Variants in SUPT3H observed in about 807,000 individuals in gnomAD.
SUPT3H encodes transcription initiation protein SPT3 homolog.
In SUPT3H, 44 loss-of-function variants were observed where a neutral mutation model predicts 44.3. The ratio of observed to expected loss-of-function variants is 0.99; its 90% CI spans 0.78 to 1.28. The LOEUF is 1.28. Ranked by LOEUF, SUPT3H falls within the 50% of genes most tolerant of loss-of-function variation. The pLI, the probability that SUPT3H is intolerant of heterozygous loss-of-function variation, is 0.00. For missense variants in SUPT3H, 380 were observed against 387.1 expected, an observed-to-expected ratio of 0.98 and a Z score of 0.15; for synonymous variants, 124 against 125.6, an observed-to-expected ratio of 0.99 and a Z score of 0.09.
At chr6:45,014,444 G>T (rs1396748532) in intron 5 of SUPT3H, among the ~76,000 whole-genome samples, 1 of 152,032 alleles carries the variant, frequency 6.6e-6, no homozygotes, top group East Asian at 1.9e-4. Context: ...CATAAATGAG[G>T]AAACTGACCC....
intron 2 of SUPT3H, among the ~76,000 whole-genome samples, chr6:45,278,305 A>G (rs187933148): frequency 1.3e-5 from 2 of 152,212 alleles, no homozygotes; most frequent in East Asian, 3.9e-4. Flanking sequence ...AAAAAAAAAG[A>G]AAATATACTT....
At chr6:45,275,389 A>G (rs559922027) in intron 2 of SUPT3H, among the ~76,000 whole-genome samples, 1 of 152,168 alleles carries the variant, frequency 6.6e-6, no homozygotes, top group Non-Finnish European at 1.5e-5. Flanking sequence ...AAAAAGAAAA[A>G]ATCATTATGA....
At chr6:45,126,936 C>A (rs538520061) in intron 2 of SUPT3H, among the ~76,000 whole-genome samples, 1 of 152,290 alleles carries the variant, frequency 6.6e-6, no homozygotes, top group East Asian at 1.9e-4. Context: ...TACAAGAGAT[C>A]ATGAGTTCTG....
In SUPT3H at chr6:45,182,242, G is replaced by A. The variant is rs115266334; in HGVS notation, c.102-76236C>T. Among the ~76,000 whole-genome samples the A allele has an allele frequency of 2.6e-3, 392 of 152,152 alleles. 3 individuals are homozygous for A. Among genetic ancestry groups the A allele is most frequent in the African/African-American group, 8.6e-3 (357 of 41,528 alleles). On this transcript the variant is annotated intron_variant, in intron 2 of 10. Coordinates refer to ENST00000371459, the MANE Select transcript of SUPT3H (RefSeq NM_003599.4). Reference sequence around the variant, plus strand: ...TTATAGAGAAATAGCTCATTTGTTTGCCTTTTTTATTTTTATTTTTTAGTT... The same window carrying A: ...TTATAGAGAAATAGCTCATTTGTTTACCTTTTTTATTTTTATTTTTTAGTT...
At chr6:44,830,522 C>T (rs1466465827) in intron 10 of SUPT3H, among the ~76,000 whole-genome samples, 3 of 152,056 alleles carry the variant, frequency 2.0e-5, no homozygotes, top group Non-Finnish European at 2.9e-5. Flanking sequence ...ATAATTAATA[C>T]GTTTCAGTAA....
chr6:45,312,863 C>T (rs952758794), intron 2 of SUPT3H, among the ~76,000 whole-genome samples: 5 of 152,082 alleles, frequency 3.3e-5, no homozygotes, highest in East Asian at 1.9e-4. Context: ...AAGGAACTTT[C>T]GCCAAGATAG....
chr6:45,240,428 A>C (rs900889328), intron 2 of SUPT3H, among the ~76,000 whole-genome samples: 2 of 152,178 alleles, frequency 1.3e-5, no homozygotes, highest in Admixed American at 1.3e-4. Flanking sequence ...GCCTGGATGT[A>C]ATCACTCTAT....
At chr6:45,262,778 T>C (rs1394952283) in intron 2 of SUPT3H, among the ~76,000 whole-genome samples, 2 of 152,006 alleles carry the variant, frequency 1.3e-5, no homozygotes, top group African/African-American at 2.4e-5. Context: ...ATACAGAATC[T>C]AGGAGGAACT....
intron 3 of SUPT3H, among the ~76,000 whole-genome samples, chr6:45,060,622 A>G (rs1420149389): frequency 6.6e-6 from 1 of 152,178 alleles, no homozygotes; most frequent in East Asian, 1.9e-4. Flanking sequence ...GAGCTTCTGT[A>G]CTGCAAAGGA....
At chr6:45,024,254 A>C (rs1785606680) in intron 3 of SUPT3H, among the ~76,000 whole-genome samples, 1 of 152,218 alleles carries the variant, frequency 6.6e-6, no homozygotes, top group African/African-American at 2.4e-5. Context: ...ACACTATTAC[A>C]TGTCACCTCA....
At chr6:45,128,917 C>T (rs894918563) in intron 2 of SUPT3H, among the ~76,000 whole-genome samples, 2 of 152,066 alleles carry the variant, frequency 1.3e-5, no homozygotes, top group Non-Finnish European at 1.5e-5. Context: ...AACTCCTGAC[C>T]TCAAGTGATC....
In SUPT3H at chr6:45,083,873, G is replaced by A. The variant is rs186555405; in HGVS notation, c.186+22049C>T. On this transcript the variant is annotated intron_variant, in intron 3 of 10. Transcript: ENST00000371459. ...GATTCCATATTCAATAAATGGTGCC[G>A]GGATAACTGGCTAACTATAGACCTT... is the stretch of plus-strand genomic sequence containing the variant. 1.5e-3 allele frequency among the ~76,000 whole-genome samples: 233 copies of A among 152,262 alleles called. 2 individuals carry two copies. The highest frequency in any genetic ancestry group is 5.2e-3 in the African/African-American group (215 of 41,558).
chr6:45,236,892 G>A (rs1396014955), intron 2 of SUPT3H, among the ~76,000 whole-genome samples: 2 of 152,180 alleles, frequency 1.3e-5, no homozygotes, highest in African/African-American at 4.8e-5. Context: ...CCAGTCAGAT[G>A]TTGCCAGTGG....
intron 10 of SUPT3H, among the ~76,000 whole-genome samples, chr6:44,891,649 G>T (rs936285130): frequency 6.6e-6 from 1 of 152,108 alleles, no homozygotes. Context: ...TTCTGTTTGG[G>T]ATGATAAAAT....
At chr6:44,952,609 G>C (rs1335244767) in intron 9 of SUPT3H, among the ~76,000 whole-genome samples, 2 of 152,186 alleles carry the variant, frequency 1.3e-5, no homozygotes, top group Non-Finnish European at 2.9e-5. Flanking sequence ...TGAATTACGT[G>C]AAACTGCTGT....
At chr6:45,074,687 A>G (rs987343182) in intron 3 of SUPT3H, among the ~76,000 whole-genome samples, 18 of 152,016 alleles carry the variant, frequency 1.2e-4, no homozygotes, top group African/African-American at 4.1e-4. Context: ...GTGACTGGAA[A>G]GGAGAACTTT....
intron 7 of SUPT3H, 56 bp downstream of exon 7, chr6:44,961,697 A>C: frequency 7.4e-7 from 1 of 1,346,970 alleles, no homozygotes; most frequent in South Asian, 1.2e-5. Context: ...ACTTTAGTAC[A>C]TCTATAACAC....
At chr6:45,203,098 G>A (rs773557688) in intron 2 of SUPT3H, among the ~76,000 whole-genome samples, 17 of 152,056 alleles carry the variant, frequency 1.1e-4, no homozygotes, top group Non-Finnish European at 2.1e-4. Flanking sequence ...GGAAGATCTC[G>A]AAATAAAATA....
At chr6:44,897,085 C>T (rs1259389618) in intron 10 of SUPT3H, among the ~76,000 whole-genome samples, 1 of 152,188 alleles carries the variant, frequency 6.6e-6, no homozygotes, top group Non-Finnish European at 1.5e-5. Flanking sequence ...GATCACAAAT[C>T]CCAGCTGTGT....
Sources: allele counts gnomAD v4.1 joint callset (sites outside exome capture counted in the v4.1 genomes callset), GRCh38; gene constraint gnomAD v4.1.1; transcripts MANE v1.5; gene names NCBI Gene and HGNC (gene_info 2026-07-23, HGNC 2026-07-21).